The following COG5 variants were observed in gnomAD, a reference collection of about 807,000 sequenced individuals.
COG5 encodes conserved oligomeric Golgi complex subunit 5.
Under a neutral mutation model 110.4 loss-of-function variants are expected in COG5, and 86 were observed. The ratio of observed to expected loss-of-function variants is 0.78; its 90% CI spans 0.65 to 0.93. COG5 has a LOEUF of 0.93. Among genes scored for constraint, COG5 ranks in the 40% least tolerant of loss-of-function variants. The probability of loss-of-function intolerance (pLI) is 0.00; values close to 1 mark genes in which losing one functional copy is unlikely to be tolerated. For missense variants in COG5, 1,077 were observed against 987.0 expected (o/e 1.09, Z -1.22); for synonymous variants, 360 against 334.6 (o/e 1.08, Z -0.83).
intron 14 of COG5, among the ~76,000 whole-genome samples, chr7:107,281,027 T>A (rs1031711622): frequency 6.6e-6 from 1 of 151,792 alleles, no homozygotes; most frequent in Admixed American, 6.6e-5. Context: ...TAAAAATATA[T>A]AATTAGGCCA....
chr7:107,402,611 A>C, intron 7 of COG5, among the ~76,000 whole-genome samples: 1 of 152,202 alleles, frequency 6.6e-6, no homozygotes, highest in Middle Eastern at 3.2e-3. Context: ...TCCTGAAAAA[A>C]TAAATAAACA....
chr7:107,319,721 G>C (rs2894459), intron 11 of COG5, among the ~76,000 whole-genome samples: 2 of 151,846 alleles, frequency 1.3e-5, no homozygotes, highest in East Asian at 3.9e-4. Flanking sequence ...CAAAATTTAC[G>C]TGATTTAGGA....
intron 6 of COG5, among the ~76,000 whole-genome samples, chr7:107,459,706 G>A (rs1296030186): frequency 2.0e-5 from 3 of 151,814 alleles, no homozygotes; most frequent in Non-Finnish European, 4.4e-5. Flanking sequence ...TGAGGAAGGA[G>A]GATTGCCTGA....
chr7:107,204,335 G>C (rs180749649), intron 21 of COG5, among the ~76,000 whole-genome samples: 5 of 152,118 alleles, frequency 3.3e-5, no homozygotes, highest in Admixed American at 2.6e-4. Flanking sequence ...TTGAATAGTT[G>C]AGGCAGAGAC....
intron 7 of COG5, among the ~76,000 whole-genome samples, chr7:107,401,285 T>C (rs9791733): frequency 0.19 from 29,303 of 152,024 alleles, 3,231 homozygotes; most frequent in East Asian, 0.33. Context: ...AAAAAAAATT[T>C]AAATGATTAG....
At chr7:107,245,995 T>C (rs1203508415) in intron 17 of COG5, among the ~76,000 whole-genome samples, 1 of 152,110 alleles carries the variant, frequency 6.6e-6, no homozygotes, top group Non-Finnish European at 1.5e-5. Flanking sequence ...CAAAACAGAA[T>C]GGTACTGGTA....
chr7:107,511,999 C>T (rs1485223953), intron 6 of COG5, among the ~76,000 whole-genome samples: 3 of 152,114 alleles, frequency 2.0e-5, no homozygotes, highest in Non-Finnish European at 4.4e-5. Context: ...ACAGGGATGC[C>T]CTCTCTCACC....
At chr7:107,386,156 T>TA (rs1298637022) in intron 7 of COG5, among the ~76,000 whole-genome samples, 1 of 150,576 alleles carries the variant, frequency 6.6e-6, no homozygotes, top group Non-Finnish European at 1.5e-5. Flanking sequence ...CTCTTTGAGC[T>TA]ATAGCAAGGG....
chr7:107,264,737 T>C (rs1562940507), intron 14 of COG5, among the ~76,000 whole-genome samples: 1 of 151,838 alleles, frequency 6.6e-6, no homozygotes, highest in Non-Finnish European at 1.5e-5. Flanking sequence ...AAATGGATCA[T>C]AAGAAAATAA....
chr7:107,282,601 A>G (rs1805270086), intron 13 of COG5, among the ~76,000 whole-genome samples: 1 of 152,150 alleles, frequency 6.6e-6, no homozygotes, highest in Non-Finnish European at 1.5e-5. Flanking sequence ...GGCTCACTGC[A>G]GCCTTCGCCT....
At chr7:107,529,613 C>T (rs1801031085) in intron 5 of COG5, among the ~76,000 whole-genome samples, 1 of 152,188 alleles carries the variant, frequency 6.6e-6, no homozygotes, top group Non-Finnish European at 1.5e-5. Flanking sequence ...GGGCAGCCCA[C>T]CCTAAGGGAA....
At chr7:107,293,020 A>G (rs1806302488) in intron 12 of COG5, among the ~76,000 whole-genome samples, 1 of 152,138 alleles carries the variant, frequency 6.6e-6, no homozygotes, top group South Asian at 2.1e-4. Flanking sequence ...CCAGTTCTGC[A>G]TCTTGTTATT....
intron 13 of COG5, among the ~76,000 whole-genome samples, chr7:107,281,841 T>C (rs1410055119): frequency 6.6e-6 from 1 of 152,192 alleles, no homozygotes; most frequent in Non-Finnish European, 1.5e-5. Flanking sequence ...TCAGCTTCTG[T>C]AGAAATTATG....
At chr7:107,367,261 A>G (rs1182740066) in intron 8 of COG5, among the ~76,000 whole-genome samples, 1 of 152,146 alleles carries the variant, frequency 6.6e-6, no homozygotes, top group African/African-American at 2.4e-5. Flanking sequence ...CAGAAAGCAC[A>G]GTACCCATAA....
At position 107,303,333 on chromosome 7, in the gene COG5, T is replaced by C. The variant is rs1357704520; in HGVS notation, c.1109-4987A>G. ...GTCTATATTATCTCAGCAAATGTGA[T>C]TGATTAATTAACTGTAAGTTACTTA... On this transcript the variant is annotated intron_variant, in intron 11 of 21. Coordinates refer to ENST00000297135, the MANE Select transcript of COG5 (RefSeq NM_006348.5). 3.9e-5 allele frequency among the ~76,000 whole-genome samples: 6 copies of C among 152,064 alleles called. No individual in the cohort carries two copies. The East Asian group carries it at 9.6e-4, about 24-fold the overall frequency.
intron 6 of COG5, among the ~76,000 whole-genome samples, chr7:107,502,662 C>T (rs1454851671): frequency 6.6e-6 from 1 of 151,924 alleles, no homozygotes; most frequent in Non-Finnish European, 1.5e-5. Flanking sequence ...TTACCACATC[C>T]ACACAAACAT....
chr7:107,485,629 T>C (rs1797615050), intron 6 of COG5, among the ~76,000 whole-genome samples: 1 of 152,172 alleles, frequency 6.6e-6, no homozygotes, highest in African/African-American at 2.4e-5. Flanking sequence ...AAATCCCAGT[T>C]ACTATAGTAT....
chr7:107,217,440 C>G (rs1799607902), intron 19 of COG5, among the ~76,000 whole-genome samples: 1 of 152,114 alleles, frequency 6.6e-6, no homozygotes, highest in African/African-American at 2.4e-5. Flanking sequence ...AAGAAACTTA[C>G]AGGGCAATAT....
intron 10 of COG5, among the ~76,000 whole-genome samples, chr7:107,332,887 A>T (rs906645990): frequency 2.0e-5 from 3 of 152,200 alleles, no homozygotes; most frequent in Non-Finnish European, 2.9e-5. Context: ...GAAAACCAAG[A>T]CGGGATGATG....
Sources: allele counts gnomAD v4.1 joint callset (sites outside exome capture counted in the v4.1 genomes callset), GRCh38; gene constraint gnomAD v4.1.1; transcripts MANE v1.5; gene names NCBI Gene and HGNC (gene_info 2026-07-23, HGNC 2026-07-21).